Variants in TPD52 observed in about 807,000 individuals in gnomAD.
TPD52 encodes tumor protein D52, also known as prostate and colon associated protein.
TPD52 carries 17 observed loss-of-function variants against 31.3 expected under a neutral mutation model. That is an observed-to-expected ratio of 0.54 (90% CI 0.37 to 0.82). The LOEUF (loss-of-function observed/expected upper bound fraction) is 0.82, where lower values mean the gene tolerates loss of function less well. Among genes scored for constraint, TPD52 ranks in the 40% least tolerant of loss-of-function variants. The probability of loss-of-function intolerance (pLI) is 0.00; values close to 1 mark genes in which losing one functional copy is unlikely to be tolerated. For synonymous variants in TPD52, 83 were observed against 89.6 expected (o/e 0.93, Z 0.42); for missense variants, 212 against 240.1 (o/e 0.88, Z 0.77).
At chr8:80,095,814 G>A (rs563425195) in intron 1 of TPD52, among the ~76,000 whole-genome samples, 4 of 152,264 alleles carry the variant, frequency 2.6e-5, no homozygotes, top group South Asian at 2.1e-4. Context: ...TGAGTGTAGC[G>A]GCATGCGCCC....
At chr8:80,090,519 G>A (rs1816177412) in intron 1 of TPD52, among the ~76,000 whole-genome samples, 1 of 152,190 alleles carries the variant, frequency 6.6e-6, no homozygotes, top group African/African-American at 2.4e-5. Context: ...GGGCATTTCA[G>A]TTCCTAAACT....
chr8:80,051,337 T>C (rs551500896), intron 4 of TPD52, 190 bp downstream of exon 4: 29 of 566,766 alleles, frequency 5.1e-5, no homozygotes, highest in African/African-American at 3.9e-4. Context: ...AGATGATCAT[T>C]TGATGTTAGA....
intron 1 of TPD52, among the ~76,000 whole-genome samples, chr8:80,132,006 T>A (rs1288207315): frequency 6.6e-6 from 1 of 151,036 alleles, no homozygotes; most frequent in Admixed American, 6.6e-5. Flanking sequence ...GAGAATAGGA[T>A]AATAAAAATC....
intron 1 of TPD52, among the ~76,000 whole-genome samples, chr8:80,159,545 C>G (rs891046599): frequency 3.3e-5 from 5 of 152,176 alleles, no homozygotes; most frequent in Non-Finnish European, 7.4e-5. Flanking sequence ...CCTGTCTGCG[C>G]CAAGCTGTGT....
chr8:80,048,168 G>C (rs1320611366), intron 5 of TPD52, among the ~76,000 whole-genome samples: 4 of 152,156 alleles, frequency 2.6e-5, no homozygotes, highest in African/African-American at 7.2e-5. Flanking sequence ...CCTTGGCCTT[G>C]CTACCACCAC....
intron 1 of TPD52, among the ~76,000 whole-genome samples, chr8:80,092,954 A>C (rs1816401390): frequency 6.6e-6 from 1 of 152,200 alleles, no homozygotes; most frequent in Admixed American, 6.5e-5. Context: ...GTACATTTCA[A>C]ATGGTACAGA....
chr8:80,123,681 C>T (rs906399542), intron 1 of TPD52, among the ~76,000 whole-genome samples: 1 of 152,298 alleles, frequency 6.6e-6, no homozygotes, highest in East Asian at 1.9e-4. Context: ...AAAGAAACGG[C>T]TTATAAATCA....
At chr8:80,050,354 C>CA in intron 5 of TPD52, 91 bp downstream of exon 5, 1 of 1,299,662 alleles carries the variant, frequency 7.7e-7, no homozygotes, top group Non-Finnish European at 1.1e-6. Context: ...ACTGGACAAA[C>CA]ACGATCATCC....
chr8:80,050,228 C>T (rs926358920), intron 5 of TPD52: 5 of 403,592 alleles, frequency 1.2e-5, no homozygotes, highest in East Asian at 1.1e-4. Flanking sequence ...ATCCCTTGAA[C>T]CACAGTGTCA....
At chr8:80,113,351 A>T in intron 1 of TPD52, among the ~76,000 whole-genome samples, 1 of 152,206 alleles carries the variant, frequency 6.6e-6, no homozygotes, top group East Asian at 1.9e-4. Context: ...AAATTAGTAC[A>T]GTAACTATGG....
At chr8:80,147,815 C>G (rs969931036) in intron 1 of TPD52, among the ~76,000 whole-genome samples, 1 of 151,872 alleles carries the variant, frequency 6.6e-6, no homozygotes, top group Non-Finnish European at 1.5e-5. Context: ...AATGTGCACA[C>G]ACACATACAT....
At chr8:80,045,768 C>G (rs1348758702) in intron 5 of TPD52, among the ~76,000 whole-genome samples, 2 of 152,176 alleles carry the variant, frequency 1.3e-5, no homozygotes, top group African/African-American at 2.4e-5. Flanking sequence ...GCTTTCTTTT[C>G]TCTCCTTGAA....
intron 1 of TPD52, among the ~76,000 whole-genome samples, chr8:80,094,238 C>T (rs1816514057): frequency 6.6e-6 from 1 of 151,588 alleles, no homozygotes. Context: ...CATACAATTA[C>T]TGTCATGTCA....
At chr8:80,075,688 C>T (rs1376812462) in intron 1 of TPD52, among the ~76,000 whole-genome samples, 1 of 152,088 alleles carries the variant, frequency 6.6e-6, no homozygotes, top group East Asian at 1.9e-4. Flanking sequence ...GTAACTGGGA[C>T]ATTCCAGAAA....
chr8:80,143,617 TTC>T (rs1809990711), intron 1 of TPD52, among the ~76,000 whole-genome samples: 1 of 152,166 alleles, frequency 6.6e-6, no homozygotes, highest in Non-Finnish European at 1.5e-5. Flanking sequence ...ATGGATTCAT[TTC>T]TCTCTTTTTT....
At chr8:80,121,447 G>A (rs1808251388) in intron 1 of TPD52, among the ~76,000 whole-genome samples, 2 of 152,060 alleles carry the variant, frequency 1.3e-5, no homozygotes, top group Admixed American at 6.5e-5. Flanking sequence ...TTTTTATAAC[G>A]AGCTCTCAGA....
intron 1 of TPD52, among the ~76,000 whole-genome samples, chr8:80,113,323 C>G (rs1807633961): frequency 6.7e-6 from 1 of 149,566 alleles, no homozygotes; most frequent in Non-Finnish European, 1.5e-5. Context: ...AATTCATATA[C>G]ACTGTTTGTG....
chr8:80,081,769 G>C (rs1260198755), intron 1 of TPD52, among the ~76,000 whole-genome samples: 1 of 149,758 alleles, frequency 6.7e-6, no homozygotes, highest in Non-Finnish European at 1.5e-5. Flanking sequence ...TGTTATTTTT[G>C]TTAGTCTCAT....
At chr8:80,145,451 C>T (rs1326006175) in intron 1 of TPD52, among the ~76,000 whole-genome samples, 1 of 152,226 alleles carries the variant, frequency 6.6e-6, no homozygotes, top group African/African-American at 2.4e-5. Context: ...TATGAAGGAG[C>T]AGCCGAAATG....
Sources: gnomAD v4.1 joint callset for allele counts (sites outside exome capture counted in the v4.1 genomes callset) on GRCh38, gnomAD v4.1.1 for gene constraint, MANE v1.5 for transcripts, NCBI Gene and HGNC (gene_info 2026-07-23, HGNC 2026-07-21) for gene names.